TRAT1: variants seen among roughly 807,000 people sequenced by gnomAD.
The protein encoded by TRAT1 is T cell receptor associated transmembrane adaptor 1, also known as T-cell receptor-associated transmembrane adapter 1.
A neutral mutation model predicts 20.0 loss-of-function variants in TRAT1; 20 were observed. The observed-to-expected ratio is 1.00, with a 90% CI of 0.70 to 1.45. TRAT1 has a LOEUF of 1.45. Ranked by LOEUF, TRAT1 falls within the 40% of genes most tolerant of loss-of-function variation. The pLI, the probability that TRAT1 is intolerant of heterozygous loss-of-function variation, is 0.00. For missense variants in TRAT1, 237 were observed against 224.1 expected (o/e 1.06, Z -0.37); for synonymous variants, 77 against 74.2 (o/e 1.04, Z -0.20).
intron 1 of TRAT1, among the ~76,000 whole-genome samples, chr3:108,827,115 T>G (rs2593828): frequency 0.9 from 135,965 of 151,914 alleles, 61,428 homozygotes; most frequent in African/African-American, 0.93. Context: ...ATTTCTCGAG[T>G]TCTTCGGCTT....
chr3:108,828,255 G>A (rs1290370256), intron 1 of TRAT1, among the ~76,000 whole-genome samples: 1 of 152,132 alleles, frequency 6.6e-6, no homozygotes, highest in African/African-American at 2.4e-5. Context: ...AAGTAGAAAG[G>A]AGATCGATTT....
At chr3:108,851,747 T>A (rs1347334133) in intron 5 of TRAT1, among the ~76,000 whole-genome samples, 6 of 152,200 alleles carry the variant, frequency 3.9e-5, no homozygotes, top group African/African-American at 1.2e-4. Context: ...TTACCCTGGC[T>A]ATGTGTTTTC....
chr3:108,832,233 G>C (rs574670740), intron 2 of TRAT1, among the ~76,000 whole-genome samples: 1 of 152,122 alleles, frequency 6.6e-6, no homozygotes, highest in Non-Finnish European at 1.5e-5. Context: ...GTCCCAAAAG[G>C]TTTCTACCAG....
intron 1 of TRAT1, among the ~76,000 whole-genome samples, chr3:108,825,636 G>T (rs970382066): frequency 2.0e-5 from 3 of 152,042 alleles, no homozygotes; most frequent in Admixed American, 1.3e-4. Context: ...AGTCAATCCA[G>T]GAAAGATTGT....
intron 1 of TRAT1, among the ~76,000 whole-genome samples, chr3:108,824,717 C>T (rs1945721156): frequency 6.6e-6 from 1 of 152,188 alleles, no homozygotes; most frequent in Non-Finnish European, 1.5e-5. Flanking sequence ...TTTCATACCT[C>T]TCCTTATCTT....
intron 1 of TRAT1, among the ~76,000 whole-genome samples, chr3:108,829,822 G>A (rs1490857638): frequency 6.6e-6 from 1 of 152,134 alleles, no homozygotes; most frequent in Non-Finnish European, 1.5e-5. Flanking sequence ...ATTATGTACA[G>A]AATATTTGGT....
intron 1 of TRAT1, among the ~76,000 whole-genome samples, chr3:108,823,356 GAC>G (rs1210928525): frequency 2.6e-5 from 4 of 152,290 alleles, no homozygotes; most frequent in African/African-American, 9.6e-5. Context: ...CATTCAGAGA[GAC>G]AACAATTTTG....
At chr3:108,830,904 A>G in intron 2 of TRAT1, 124 bp downstream of exon 2, 1 of 656,098 alleles carries the variant, frequency 1.5e-6, no homozygotes, top group Admixed American at 2.8e-5. Context: ...TATCTATAGA[A>G]AATCTATTTG....
intron 2 of TRAT1, among the ~76,000 whole-genome samples, chr3:108,838,349 AGATAGAT>A (rs754047259): frequency 0.061 from 2,645 of 43,364 alleles, 30 homozygotes; most frequent in African/African-American, 0.18. Context: ...TGATAGATAT[AGATAGAT>A]GATAGATAGA....
chr3:108,830,375 A>G (rs1211555588), intron 1 of TRAT1, among the ~76,000 whole-genome samples: 1 of 152,188 alleles, frequency 6.6e-6, no homozygotes, highest in African/African-American at 2.4e-5. Context: ...TTTGAACAAA[A>G]GTTTTTTATC....
intron 2 of TRAT1, among the ~76,000 whole-genome samples, chr3:108,833,128 C>T (rs1317289219): frequency 6.6e-6 from 1 of 152,080 alleles, no homozygotes; most frequent in Non-Finnish European, 1.5e-5. Context: ...CTTTAAAAAG[C>T]ATCGTGTTTG....
intron 5 of TRAT1, among the ~76,000 whole-genome samples, 166 bp from the exon 6 acceptor site, chr3:108,853,454 T>C (rs1464446767): frequency 6.6e-6 from 1 of 152,224 alleles, no homozygotes; most frequent in African/African-American, 2.4e-5. Flanking sequence ...TGACTATAGT[T>C]TTCTGTTCTG....
intron 3 of TRAT1, among the ~76,000 whole-genome samples, chr3:108,842,333 C>A (rs1469588784): frequency 5.9e-5 from 9 of 152,134 alleles, no homozygotes. Flanking sequence ...TCTGTATTTC[C>A]TTTCTTTGCT....
chr3:108,838,985 C>A lies in TRAT1; in HGVS notation c.152+18C>A. On this transcript the variant is annotated intron_variant, in intron 3 of 5. Coordinates refer to ENST00000295756, the MANE Select transcript of TRAT1 (RefSeq NM_016388.4). ...CACACCAGGTATGTTGTGATTCAGT[C>A]ATGGATCATGATTCCCAACTAATAA... 1 of 1,582,554 alleles carries A rather than the reference C, an allele frequency of 6.3e-7. No individual in the cohort carries two copies. The highest frequency in any genetic ancestry group is 1.1e-5 in the South Asian group (1 of 90,160).
intron 5 of TRAT1, among the ~76,000 whole-genome samples, chr3:108,849,933 C>G (rs1945982717): frequency 2.0e-5 from 3 of 152,228 alleles, no homozygotes; most frequent in African/African-American, 7.2e-5. Flanking sequence ...TCCTGAAATG[C>G]TATACATTTC....
At chr3:108,845,245 T>C (rs1015514303) in intron 3 of TRAT1, among the ~76,000 whole-genome samples, 4 of 152,224 alleles carry the variant, frequency 2.6e-5, no homozygotes, top group African/African-American at 9.7e-5. Flanking sequence ...AGATGATTAA[T>C]CATTTGAGAT....
At chr3:108,828,466 T>G (rs1026978250) in intron 1 of TRAT1, among the ~76,000 whole-genome samples, 1 of 152,118 alleles carries the variant, frequency 6.6e-6, no homozygotes, top group African/African-American at 2.4e-5. Flanking sequence ...GCCCTTGAGA[T>G]TTGCTTAGAT....
intron 5 of TRAT1, 148 bp downstream of exon 5, chr3:108,849,402 A>G (rs1945975942): frequency 1.6e-6 from 1 of 608,986 alleles, no homozygotes; most frequent in Non-Finnish European, 2.9e-6. Context: ...AGGGTCATGT[A>G]AACAGAACTC....
At position 108,830,714 on chromosome 3, in the gene TRAT1, T is replaced by C. The variant is rs371868858; in HGVS notation, c.52T>C (p.Leu18=). The C allele has an allele frequency of 5.0e-6, 8 of 1,614,002 alleles. No individual in the cohort carries two copies. Among genetic ancestry groups the C allele is most frequent in the South Asian group, 1.1e-5 (1 of 91,082 alleles). The change falls in exon 2 of 6, where the codon TTG becomes CTG. Residue 18 remains leucine, a synonymous_variant. Transcript: ENST00000295756. The part of the protein sequence containing the change: ...PFFLWGLLAL[L]GLALVISLIF... ...TTTCCTCTGGGGACTTCTAGCATTG[T>C]TGGGCTTGGCTTTGGTTATATCACT...
Sources: allele counts gnomAD v4.1 joint callset (sites outside exome capture counted in the v4.1 genomes callset), GRCh38; gene constraint gnomAD v4.1.1; transcripts MANE v1.5; gene names NCBI Gene and HGNC (gene_info 2026-07-23, HGNC 2026-07-21).